EYA4: variants seen among roughly 807,000 people sequenced by gnomAD.
The protein encoded by EYA4 is protein phosphatase EYA4.
EYA4 carries 31 observed loss-of-function variants against 87.9 expected under a neutral mutation model. The ratio of observed to expected loss-of-function variants is 0.35; its 90% confidence interval spans 0.27 to 0.48. The LOEUF (loss-of-function observed/expected upper bound fraction) is 0.48, where lower values mean the gene tolerates loss of function less well. Ranked by LOEUF, EYA4 falls within the 20% of genes least tolerant of loss-of-function variation. The probability of loss-of-function intolerance (pLI) is 0.99; values close to 1 mark genes in which losing one functional copy is unlikely to be tolerated. For synonymous variants in EYA4, 263 were observed against 270.6 expected (o/e 0.97, Z 0.28); for missense variants, 678 against 761.4 (o/e 0.89, Z 1.29).
intron 2 of EYA4, among the ~76,000 whole-genome samples, chr6:133,288,587 G>A (rs1280152909): frequency 1.3e-5 from 2 of 152,118 alleles, no homozygotes; most frequent in African/African-American, 2.4e-5. Flanking sequence ...GCTGGGCCAT[G>A]GGGGAGAAGT....
chr6:133,453,684 A>G (rs1335613487), intron 5 of EYA4: 1 of 152,090 alleles, frequency 6.6e-6, no homozygotes, highest in Non-Finnish European at 1.5e-5. Context: ...TAAATGTTTT[A>G]TTTCTACTTT....
intron 2 of EYA4, among the ~76,000 whole-genome samples, chr6:133,357,588 C>T (rs1399949036): frequency 6.6e-6 from 1 of 152,106 alleles, no homozygotes. Flanking sequence ...TCACATAAAT[C>T]CAAACACTTC....
At chr6:133,487,338 C>G (rs1440276922) in intron 13 of EYA4, among the ~76,000 whole-genome samples, 1 of 152,150 alleles carries the variant, frequency 6.6e-6, no homozygotes, top group East Asian at 1.9e-4. Context: ...TCCTGCTGCT[C>G]TGCTGGGCTT....
chr6:133,394,282 G>GTATTTTTTTTTTTTTTTTTTTTTTTTTT lies in EYA4; in HGVS notation c.83+11842_83+11843insATTTTTTTTTTTTTTTTTTTTTTTTTTT, dbSNP rs1562368948. Among the ~76,000 whole-genome samples, 2 of 107,846 alleles carry GTATTTTTTTTTTTTTTTTTTTTTTTTTT rather than the reference G, an allele frequency of 1.9e-5. 1 individual carries two copies. The highest frequency in any genetic ancestry group is 3.4e-5 in the Non-Finnish European group (2 of 58,892). The allele number at this position is 107,846 out of a possible 152,430, so 70.8% of individuals were successfully genotyped here. A position where few individuals can be genotyped will look rare whatever the true frequency, so the allele number is the denominator to read the frequency against. ...GTTGGAAAAATGTATATATAAGCTT[G>GTATTTTTTTTTTTTTTTTTTTTTTTTTT]TGTTTTTTTTTTTTTTTTTTTTTTT... On this transcript the variant is annotated intron_variant, in intron 3 of 19. Coordinates refer to ENST00000355286, the MANE Select transcript of EYA4 (RefSeq NM_004100.5).
intron 1 of EYA4, among the ~76,000 whole-genome samples, chr6:133,249,491 G>A (rs1774706310): frequency 6.6e-6 from 1 of 152,084 alleles, no homozygotes; most frequent in Non-Finnish European, 1.5e-5. Flanking sequence ...GCTGCCTATA[G>A]GGCAAATTCC....
chr6:133,391,698 C>T (rs1787311992), intron 3 of EYA4, among the ~76,000 whole-genome samples: 1 of 152,042 alleles, frequency 6.6e-6, no homozygotes, highest in Admixed American at 6.6e-5. Flanking sequence ...GAGTCAGGGT[C>T]ACAAAACAGA....
chr6:133,490,028 T>C (rs1477457778), intron 13 of EYA4, among the ~76,000 whole-genome samples: 3 of 152,076 alleles, frequency 2.0e-5, no homozygotes, highest in African/African-American at 7.2e-5. Context: ...AGAGTCAAAG[T>C]GTAGAGTTTT....
intron 14 of EYA4, chr6:133,510,401 T>C (rs889613598): frequency 1.7e-5 from 5 of 299,808 alleles, no homozygotes; most frequent in Non-Finnish European, 3.4e-5. Context: ...CTACGGACTT[T>C]CCAAGTATGT....
At chr6:133,287,213 T>C (rs1250819912) in intron 2 of EYA4, among the ~76,000 whole-genome samples, 1 of 152,144 alleles carries the variant, frequency 6.6e-6, no homozygotes, top group Non-Finnish European at 1.5e-5. Context: ...AGACATAATA[T>C]AGAATTTAAG....
chr6:133,311,892 C>T (rs909745809), intron 2 of EYA4, among the ~76,000 whole-genome samples: 5 of 152,206 alleles, frequency 3.3e-5, no homozygotes, highest in Non-Finnish European at 5.9e-5. Flanking sequence ...AAAACAGGAA[C>T]ACCTGTGGAC....
intron 2 of EYA4, among the ~76,000 whole-genome samples, chr6:133,279,585 A>G (rs559606496): frequency 6.6e-6 from 1 of 152,268 alleles, no homozygotes; most frequent in Admixed American, 6.5e-5. Context: ...TATGAATTGT[A>G]TTTATTTGCC....
At chr6:133,310,398 C>T (rs1780128099) in intron 2 of EYA4, among the ~76,000 whole-genome samples, 2 of 152,018 alleles carry the variant, frequency 1.3e-5, no homozygotes, top group Non-Finnish European at 1.5e-5. Flanking sequence ...CATCTGTTAC[C>T]CTCCCCACAT....
intron 3 of EYA4, among the ~76,000 whole-genome samples, chr6:133,434,056 A>G (rs1217822551): frequency 2.0e-5 from 3 of 152,198 alleles, no homozygotes; most frequent in African/African-American, 4.8e-5. Context: ...GACTATGGGG[A>G]CCACTGTTAA....
chr6:133,380,166 C>A (rs146057335), intron 2 of EYA4, among the ~76,000 whole-genome samples: 55 of 152,262 alleles, frequency 3.6e-4, no homozygotes, highest in African/African-American at 7.2e-4. Context: ...AAATATTATT[C>A]TTCTCTCATT....
chr6:133,249,035 A>G (rs1257734772), intron 1 of EYA4, among the ~76,000 whole-genome samples: 1 of 152,172 alleles, frequency 6.6e-6, no homozygotes, highest in Non-Finnish European at 1.5e-5. Flanking sequence ...ATGGTTAGCA[A>G]AGTTGTGGGT....
At chr6:133,248,696 ATG>A (rs1774627704) in intron 1 of EYA4, 1 of 152,156 alleles carries the variant, frequency 6.6e-6, no homozygotes, top group East Asian at 1.9e-4. Context: ...ATGTATATTC[ATG>A]TGCGGTTATG....
Position 133,525,267 on chromosome 6 carries a change from A to C in EYA4, c.1839+13A>C. On this transcript the variant is annotated intron_variant, in intron 19 of 19. Coordinates refer to ENST00000355286, the MANE Select transcript of EYA4 (RefSeq NM_004100.5). ...GGCAGCAAAAAAGGTAACCTGTCTC[A>C]AACAATGTCGGTGTGATACTTCTAA... 113 of 1,600,984 alleles carry C rather than the reference A, an allele frequency of 7.1e-5. No individual in the cohort carries two copies. The highest frequency in any genetic ancestry group is 8.8e-5 in the Non-Finnish European group (103 of 1,168,250).
chr6:133,263,886 C>T (rs765664477), intron 1 of EYA4, among the ~76,000 whole-genome samples: 5 of 152,218 alleles, frequency 3.3e-5, no homozygotes, highest in African/African-American at 7.2e-5. Flanking sequence ...TGGGACTCTT[C>T]AGGCACCTGT....
chr6:133,297,855 C>T (rs576927526), intron 2 of EYA4, among the ~76,000 whole-genome samples: 4 of 152,288 alleles, frequency 2.6e-5, no homozygotes, highest in Admixed American at 2.0e-4. Flanking sequence ...GGTATCTGTT[C>T]ACCAGCTATG....
Sources: allele counts gnomAD v4.1 joint callset (sites outside exome capture counted in the v4.1 genomes callset), GRCh38; gene constraint gnomAD v4.1.1; transcripts MANE v1.5; gene names NCBI Gene and HGNC (gene_info 2026-07-23, HGNC 2026-07-21).